Variants in LONP2 observed in about 807,000 individuals in gnomAD.
LONP2 encodes the protein lon protease homolog 2, peroxisomal.
LONP2 carries 60 observed loss-of-function variants against 85.6 expected under a neutral mutation model. The ratio of observed to expected loss-of-function variants is 0.70; its 90% CI spans 0.57 to 0.87. The LOEUF is 0.87. LONP2 is among the 40% of genes least tolerant of loss of function. The pLI, the probability that LONP2 is intolerant of heterozygous loss-of-function variation, is 0.00. For missense variants in LONP2, 860 were observed against 1,063.5 expected (o/e 0.81, Z 2.66); for synonymous variants, 395 against 389.7 (o/e 1.01, Z -0.16).
chr16:48,292,833 T>C (rs934396826), intron 8 of LONP2, among the ~76,000 whole-genome samples: 1 of 152,028 alleles, frequency 6.6e-6, no homozygotes, highest in East Asian at 1.9e-4. Context: ...GAACCTATTC[T>C]GTTTCTGGGA....
chr16:48,319,546 C>T (rs970601078), intron 11 of LONP2, among the ~76,000 whole-genome samples: 5 of 152,062 alleles, frequency 3.3e-5, no homozygotes, highest in Non-Finnish European at 7.4e-5. Flanking sequence ...AGCCCACTGA[C>T]ATGGCTGTTA....
At chr16:48,279,357 G>A (rs1036510795) in intron 8 of LONP2, among the ~76,000 whole-genome samples, 1 of 152,064 alleles carries the variant, frequency 6.6e-6, no homozygotes, top group African/African-American at 2.4e-5. Context: ...CTGTTTGGTT[G>A]AGGAATCTTC....
At chr16:48,276,369 A>C (rs917226242) in intron 7 of LONP2, among the ~76,000 whole-genome samples, 1 of 152,160 alleles carries the variant, frequency 6.6e-6, no homozygotes, top group African/African-American at 2.4e-5. Context: ...GCAGATCATG[A>C]GGTAACTGTG....
chr16:48,324,721 G>T (rs1255004450), intron 11 of LONP2, among the ~76,000 whole-genome samples: 1 of 152,082 alleles, frequency 6.6e-6, no homozygotes, highest in Non-Finnish European at 1.5e-5. Flanking sequence ...GCCCTATGAC[G>T]AATGGTATGG....
chr16:48,271,201 C>G (rs1235281902), intron 7 of LONP2, among the ~76,000 whole-genome samples: 2 of 152,050 alleles, frequency 1.3e-5, no homozygotes, highest in African/African-American at 2.4e-5. Context: ...CAAACAACAA[C>G]AAAACTGTTT....
In LONP2 at chr16:48,356,660, GA is replaced by G; in HGVS notation, c.*4861del. ...ACTGCACTTAAAAAACAAAAATGCT[GA>G]AAGAGGAAGGAAATATCAAAAAGGT... On this transcript the variant is annotated 3_prime_UTR_variant, in exon 15 of 15. Coordinates refer to ENST00000285737, the MANE Select transcript of LONP2 (RefSeq NM_031490.5). 2.7e-6 allele frequency: 1 copy of G among 364,562 alleles called. No homozygotes were observed. Among genetic ancestry groups the G allele is most frequent in the Non-Finnish European group, 5.5e-6 (1 of 180,614 alleles). The allele number at this position is 364,562 out of a possible 1,614,324, so 22.6% of individuals were successfully genotyped here.
intron 11 of LONP2, among the ~76,000 whole-genome samples, chr16:48,307,839 G>A (rs1972943339): frequency 6.6e-6 from 1 of 152,238 alleles, no homozygotes; most frequent in African/African-American, 2.4e-5. Context: ...TTGGGTCAGA[G>A]TTCTGCAGGC....
intron 8 of LONP2, among the ~76,000 whole-genome samples, chr16:48,293,353 G>A (rs902654003): frequency 5.9e-5 from 9 of 152,148 alleles, no homozygotes; most frequent in Admixed American, 2.0e-4. Context: ...GCGTGAGCCC[G>A]GGAGGCGGAG....
intron 11 of LONP2, among the ~76,000 whole-genome samples, chr16:48,317,253 G>A (rs1250298499): frequency 6.6e-6 from 1 of 152,088 alleles, no homozygotes; most frequent in Non-Finnish European, 1.5e-5. Flanking sequence ...CAGCTTGAGG[G>A]GGATTTAAGT....
intron 12 of LONP2, chr16:48,336,349 A>G (rs996696888): frequency 6.6e-6 from 3 of 456,184 alleles, no homozygotes; most frequent in African/African-American, 2.0e-5. Flanking sequence ...TTTTACCAAC[A>G]TGAGTCTGCA....
chr16:48,320,573 T>A (rs1973242633), intron 11 of LONP2, among the ~76,000 whole-genome samples: 2 of 152,092 alleles, frequency 1.3e-5, no homozygotes, highest in South Asian at 4.1e-4. Flanking sequence ...CTGTGCTAAA[T>A]CCATTGCATT....
At position 48,334,328 on chromosome 16, in the gene LONP2, C is replaced by T. The variant is rs1228130796; in HGVS notation, c.1908C>T (p.Asp636=). 1.9e-6 allele frequency: 3 copies of T among 1,614,082 alleles called. No individual in the cohort carries two copies. The highest frequency in any genetic ancestry group is 3.3e-5 in the Admixed American group (2 of 60,002). ...TGATTGATTTCCATGCTCTGAAAGA[C>T]ATCCTTGGGCCCCCGATGTATGAAA... ...PILIDFHALK[D]ILGPPMYEME... Residue 636 remains aspartate, a synonymous_variant, in exon 12 of 15, where the codon GAC becomes GAT. Coordinates refer to ENST00000285737, the MANE Select transcript of LONP2 (RefSeq NM_031490.5).
intron 11 of LONP2, among the ~76,000 whole-genome samples, chr16:48,314,651 A>G (rs1178847132): frequency 1.3e-5 from 2 of 152,210 alleles, no homozygotes. Flanking sequence ...AAGACCACAC[A>G]TCTACAACCA....
intron 2 of LONP2, among the ~76,000 whole-genome samples, chr16:48,255,348 G>A: frequency 6.6e-6 from 1 of 152,184 alleles, no homozygotes; most frequent in East Asian, 1.9e-4. Context: ...CTGCCCAGAA[G>A]GAGCTGTCAC....
intron 11 of LONP2, among the ~76,000 whole-genome samples, chr16:48,332,838 G>A (rs1248346775): frequency 6.6e-6 from 1 of 152,196 alleles, no homozygotes; most frequent in Non-Finnish European, 1.5e-5. Context: ...AACCCAGGAG[G>A]CAGAGGTTGC....
Position 48,324,031 on chromosome 16 carries a change from G to C in LONP2, c.1796-10185G>C, listed in dbSNP as rs187502799. On this transcript the variant is annotated intron_variant, in intron 11 of 14. Transcript: ENST00000285737. Reference sequence around the variant, plus strand: ...GCTGGGAAGATGTTGTTTTGGAAAAGATTAACCTGAAATGACAGCACGAAT... The same window carrying C: ...GCTGGGAAGATGTTGTTTTGGAAAACATTAACCTGAAATGACAGCACGAAT... Among the ~76,000 whole-genome samples the C allele has an allele frequency of 2.6e-5, 4 of 152,318 alleles. No homozygotes were observed. The East Asian group carries it at 7.7e-4, about 29-fold the overall frequency.
At chr16:48,340,477 T>TA (rs1378504197) in intron 12 of LONP2, among the ~76,000 whole-genome samples, 3 of 152,252 alleles carry the variant, frequency 2.0e-5, no homozygotes, top group Non-Finnish European at 2.9e-5. Context: ...TACCACCACT[T>TA]ACTATTTTTT....
At chr16:48,263,885 A>G (rs1971930019) in intron 6 of LONP2, among the ~76,000 whole-genome samples, 1 of 152,226 alleles carries the variant, frequency 6.6e-6, no homozygotes, top group Non-Finnish European at 1.5e-5. Flanking sequence ...GAGACAGAGT[A>G]CAAAAGAGAG....
intron 8 of LONP2, among the ~76,000 whole-genome samples, chr16:48,278,332 GCTTC>G (rs1972258206): frequency 6.6e-6 from 1 of 151,934 alleles, no homozygotes; most frequent in Non-Finnish European, 1.5e-5. Flanking sequence ...CGGTTTTATG[GCTTC>G]CTTCCTAGGT....
Sources: allele counts gnomAD v4.1 joint callset (sites outside exome capture counted in the v4.1 genomes callset), GRCh38; gene constraint gnomAD v4.1.1; transcripts MANE v1.5; gene names NCBI Gene and HGNC (gene_info 2026-07-23, HGNC 2026-07-21).